TMEM19: variants seen among roughly 807,000 people sequenced by gnomAD.
TMEM19 encodes transmembrane protein 19.
Under a neutral mutation model 33.6 loss-of-function variants are expected in TMEM19, and 21 were observed. The ratio of observed to expected loss-of-function variants is 0.62; its 90% CI spans 0.44 to 0.90. TMEM19 has a LOEUF of 0.90. TMEM19 is among the 40% of genes least tolerant of loss of function. TMEM19 has a pLI of 0.00. For synonymous variants in TMEM19, 149 were observed against 147.5 expected, an observed-to-expected ratio of 1.01 and a Z score of -0.07; for missense variants, 402 against 401.8, an observed-to-expected ratio of 1.00 and a Z score of 0.00.
Position 71,697,374 on chromosome 12 carries a change from C to T in TMEM19, c.477C>T (p.Ile159=), listed in dbSNP as rs760808217. The change falls in exon 4 of 6, where the codon ATC becomes ATT. Residue 159 remains isoleucine (I), a synonymous_variant. Transcript: ENST00000266673. ...LYMIENGPGE[I]PVDFSKQYSA... is the part of the protein sequence containing the mutation. ...TGATAGAAAATGGCCCCGGGGAAAT[C>T]CCAGTCGATTTTTCCAAGCAGTACT... 6.8e-6 allele frequency: 11 copies of T among 1,611,148 alleles called. No individual in the cohort carries two copies. The highest frequency in any genetic ancestry group is 8.5e-6 in the Non-Finnish European group (10 of 1,178,950).
rs1881970019 is a variant in TMEM19, at chr12:71,701,030, G to T, written c.*35G>T. The T allele has an allele frequency of 6.6e-7, 1 of 1,514,132 alleles. No individual in the cohort carries two copies. Among genetic ancestry groups the T allele is most frequent in the Non-Finnish European group, 8.9e-7 (1 of 1,127,866 alleles). The allele number at this position is 1,514,132 out of a possible 1,614,324, so 93.8% of individuals were successfully genotyped here. A position where few individuals can be genotyped will look rare whatever the true frequency, so the allele number is the denominator to read the frequency against. On this transcript the variant is annotated 3_prime_UTR_variant, in exon 6 of 6. Transcript: ENST00000266673. ...CATTTCCACAGGTTGAAACTGGTGA[G>T]TCCAGCTAAATTTGCAATTCCAACT... is the stretch of plus-strand genomic sequence containing the variant.
In TMEM19 at chr12:71,701,124, G is replaced by A; in HGVS notation, c.*129G>A. 1 of 951,404 alleles carries A rather than the reference G, an allele frequency of 1.1e-6. No homozygotes were observed. 58.9% of individuals were successfully genotyped at this position (951,404 alleles called of 1,614,324 possible). On this transcript the variant is annotated 3_prime_UTR_variant, in exon 6 of 6. Transcript: ENST00000266673. ...AGTTCCTCCTGTATTCCATTGAGAT[G>A]GGATTTCACATTTTCCTCTCATCAA...
chr12:71,694,272 AT>A (rs1426674012), intron 2 of TMEM19, among the ~76,000 whole-genome samples: 1 of 151,994 alleles, frequency 6.6e-6, no homozygotes, highest in Non-Finnish European at 1.5e-5. Flanking sequence ...CATGAGGGGG[AT>A]TTGTGGCAAA....
At position 71,700,295 on chromosome 12, in the gene TMEM19, G is replaced by A. The variant is rs112238675; in HGVS notation, c.848-537G>A. Among the ~76,000 whole-genome samples the A allele has an allele frequency of 5.2e-3, 794 of 152,300 alleles. 3 individuals carry two copies. Among genetic ancestry groups the A allele is most frequent in the African/African-American group, 0.018 (749 of 41,564 alleles). The stretch of plus-strand genomic sequence containing the variant: ...GTTCTAACTGGGGAAGTTTCTGATT[G>A]CATTGAGTGGGTTGAAAAGAAATGC... On this transcript the variant is annotated intron_variant, in intron 5 of 5. Coordinates refer to ENST00000266673, the MANE Select transcript of TMEM19 (RefSeq NM_018279.4).
At chr12:71,695,628 G>A (rs1043300876) in intron 2 of TMEM19, among the ~76,000 whole-genome samples, 1 of 152,102 alleles carries the variant, frequency 6.6e-6, no homozygotes, top group African/African-American at 2.4e-5. Flanking sequence ...ATGATATTAG[G>A]TAACACTTAT....
Position 71,686,376 on chromosome 12 carries a change from T to C in TMEM19, c.-305T>C, listed in dbSNP as rs1415737085. Reference sequence around the variant, plus strand: ...GGATTGGCTGCCTCGGCTTTCTCTTTTCCCCGTGGGCTCCGGCGTGAGGCG... The same window carrying C: ...GGATTGGCTGCCTCGGCTTTCTCTTCTCCCCGTGGGCTCCGGCGTGAGGCG... On this transcript the variant is annotated 5_prime_UTR_variant, in exon 1 of 6. Transcript: ENST00000266673. 2 of 275,044 alleles carry C rather than the reference T, an allele frequency of 7.3e-6. No individual in the cohort carries two copies. Among genetic ancestry groups the C allele is most frequent in the Non-Finnish European group, 1.4e-5 (2 of 145,086 alleles). 17.0% of individuals were successfully genotyped at this position (275,044 alleles called of 1,614,324 possible). A position where few individuals can be genotyped will look rare whatever the true frequency, so the allele number is the denominator to read the frequency against.
chr12:71,690,101 T>G (rs539856740), intron 2 of TMEM19, among the ~76,000 whole-genome samples: 1 of 152,354 alleles, frequency 6.6e-6, no homozygotes, highest in South Asian at 2.1e-4. Context: ...CCAAACTTAG[T>G]GTTCTGGATT....
Position 71,700,885 on chromosome 12 carries a change from CA to C in TMEM19, c.902del (p.His301ProfsTer2). 1 of 1,613,416 alleles carries C rather than the reference CA, an allele frequency of 6.2e-7. No individual in the cohort carries two copies. The highest frequency in any genetic ancestry group is 8.5e-7 in the Non-Finnish European group (1 of 1,179,676). ...CAACAGCCCAACAAATAAGGCAAGG[CA>C]CATAGCAGGGAAACCCATTCTTGAT... ...VVNSPTNKAR[H>X]IAGKPILDNN... On this transcript the variant is annotated frameshift_variant, in exon 6 of 6. Coordinates refer to ENST00000266673, the MANE Select transcript of TMEM19 (RefSeq NM_018279.4). LOFTEE classifies it high-confidence loss of function.
rs1592624473 is a variant in TMEM19 at position 71,703,153 on chromosome 12, G to C, written c.*2158G>C. 1 of 121,842 alleles carries C rather than the reference G, an allele frequency of 8.2e-6. No individual in the cohort carries two copies. The highest frequency in any genetic ancestry group is 1.6e-5 in the Non-Finnish European group (1 of 63,002). The allele number at this position is 121,842 out of a possible 1,614,324, so 7.5% of individuals were successfully genotyped here. On this transcript the variant is annotated 3_prime_UTR_variant, in exon 6 of 6. Coordinates refer to ENST00000266673, the MANE Select transcript of TMEM19 (RefSeq NM_018279.4). Reference sequence around the variant, plus strand: ...GATTGCACCACTGTACTCCAGCCTGGGCAACAGAGGGAGACTCCATCTAGA... The same window carrying C: ...GATTGCACCACTGTACTCCAGCCTGCGCAACAGAGGGAGACTCCATCTAGA...
intron 5 of TMEM19, among the ~76,000 whole-genome samples, chr12:71,700,549 G>T (rs1227602642): frequency 2.6e-5 from 4 of 152,066 alleles, no homozygotes; most frequent in African/African-American, 4.8e-5. Context: ...CAGAGGTATT[G>T]ACAGAAAATT....
Position 71,701,014 on chromosome 12 carries a change from A to G in TMEM19, c.*19A>G. The G allele has an allele frequency of 6.3e-7, 1 of 1,591,260 alleles. No homozygotes were observed. Among genetic ancestry groups the G allele is most frequent in the South Asian group, 1.1e-5 (1 of 87,850 alleles). On this transcript the variant is annotated 3_prime_UTR_variant, in exon 6 of 6. Transcript: ENST00000266673. ...GGGGTGAACTTTATTTCATTTCCAC[A>G]GGTTGAAACTGGTGAGTCCAGCTAA...
At chr12:71,696,954 G>A (rs1565854722) in intron 3 of TMEM19, among the ~76,000 whole-genome samples, 3 of 152,012 alleles carry the variant, frequency 2.0e-5, no homozygotes, top group Non-Finnish European at 2.9e-5. Flanking sequence ...GCCAACATAA[G>A]CTTTTAATCA....
chr12:71,696,310 A>G, intron 2 of TMEM19, 126 bp from the exon 3 acceptor site: 1 of 847,206 alleles, frequency 1.2e-6, no homozygotes, highest in South Asian at 3.4e-5. Context: ...TAATTGGTAA[A>G]ATGCAAATTG....
chr12:71,700,922 T>A lies in TMEM19; in HGVS notation c.938T>A (p.Val313Glu). Residue 313 changes from valine (V) to glutamate (E), a missense_variant, in exon 6 of 6, where the codon GTG becomes GAG. Physicochemically the swap from Val to Glu is moderately radical, Grantham distance 121. Transcript: ENST00000266673. Reference sequence around the variant, plus strand: ...AAACCCATTCTTGATAACAACGCAGTGAATCTGTTTTCTTCTGTTCTTATT... The same window carrying A: ...AAACCCATTCTTGATAACAACGCAGAGAATCTGTTTTCTTCTGTTCTTATT... ...AGKPILDNNA[V>E]NLFSSVLIAL... is the part of the protein sequence containing the mutation. The A allele has an allele frequency of 6.2e-7, 1 of 1,613,878 alleles. No individual in the cohort carries two copies. Among genetic ancestry groups the A allele is most frequent in the Non-Finnish European group, 8.5e-7 (1 of 1,179,862 alleles).
At position 71,689,544 on chromosome 12, in the gene TMEM19, C is replaced by G. The variant is rs1158638344; in HGVS notation, c.131-47C>G. ...ACGGAAGTTTACTGCCAAAACTAACCTGTGCAAACTTCACACAATTTGTGC... is the reference window on the plus strand; with the variant it reads ...ACGGAAGTTTACTGCCAAAACTAACGTGTGCAAACTTCACACAATTTGTGC... On this transcript the variant is annotated intron_variant, in intron 1 of 5. Coordinates refer to ENST00000266673, the MANE Select transcript of TMEM19 (RefSeq NM_018279.4). 3 of 1,465,960 alleles carry G rather than the reference C, an allele frequency of 2.0e-6. No individual in the cohort carries two copies. The South Asian group carries it at 3.4e-5, about 17-fold the overall frequency. 90.8% of individuals were successfully genotyped at this position (1,465,960 alleles called of 1,614,324 possible).
chr12:71,691,559 A>G (rs9943842), intron 2 of TMEM19, among the ~76,000 whole-genome samples: 42,259 of 141,190 alleles, frequency 0.3, 7,691 homozygotes, highest in East Asian at 0.82. Flanking sequence ...ACTCGAGTCC[A>G]GGAGTTTGAG....
chr12:71,697,409 G>A lies in TMEM19; in HGVS notation c.512G>A (p.Trp171Ter). The A allele has an allele frequency of 6.2e-7, 1 of 1,610,872 alleles. No individual in the cohort carries two copies. Among genetic ancestry groups the A allele is most frequent in the Non-Finnish European group, 8.5e-7 (1 of 1,178,816 alleles). ...TTTTCCAAGCAGTACTCCGCTTCCTGGATGTGTTTGTCTCTCTTGGCTGCA... is the reference window on the plus strand; with the variant it reads ...TTTTCCAAGCAGTACTCCGCTTCCTAGATGTGTTTGTCTCTCTTGGCTGCA... ...VDFSKQYSAS[W>*]MCLSLLAALA... The change falls in exon 4 of 6, where the codon TGG becomes TAG. Residue 171 changes from tryptophan (W) to a stop codon, truncating the protein, a stop_gained. Coordinates refer to ENST00000266673, the MANE Select transcript of TMEM19 (RefSeq NM_018279.4). LOFTEE classifies it high-confidence loss of function.
chr12:71,686,729 A>C lies in TMEM19; in HGVS notation c.49A>C (p.Thr17Pro). ...ATGCAAAAGATATATAAAGATGATAACTAATATAGTTATACTGAGCCTGAT... is the reference window on the plus strand; with the variant it reads ...ATGCAAAAGATATATAAAGATGATACCTAATATAGTTATACTGAGCCTGAT... ...NICKRYIKMI[T>P]NIVILSLIIC... Residue 17 changes from threonine (T) to proline (P), a missense_variant, in exon 1 of 6, where the codon ACT becomes CCT. Transcript: ENST00000266673. 6.2e-7 allele frequency: 1 copy of C among 1,612,478 alleles called. No homozygotes were observed. Among genetic ancestry groups the C allele is most frequent in the Non-Finnish European group, 8.5e-7 (1 of 1,179,366 alleles).
chr12:71,699,237 C>T, intron 5 of TMEM19, 128 bp downstream of exon 5: 1 of 935,162 alleles, frequency 1.1e-6, no homozygotes, highest in East Asian at 2.6e-5. Context: ...AATGATAGGG[C>T]AAAGTCTCTT....
Sources: gnomAD v4.1 joint callset for allele counts (sites outside exome capture counted in the v4.1 genomes callset) on GRCh38, gnomAD v4.1.1 for gene constraint, MANE v1.5 for transcripts, NCBI Gene and HGNC (gene_info 2026-07-23, HGNC 2026-07-21) for gene names.